Variants in GALNT17 observed in about 807,000 individuals in gnomAD.
The protein encoded by GALNT17 is polypeptide N-acetylgalactosaminyltransferase 17, also known as UDP-GalNAc:polypeptide N-acetylgalactosaminyltransferase-like 3.
Under a neutral mutation model 63.7 loss-of-function variants are expected in GALNT17, and 29 were observed. The ratio of observed to expected loss-of-function variants is 0.46; its 90% CI spans 0.34 to 0.62. The LOEUF is 0.62. GALNT17 is among the 20% of genes least tolerant of loss of function. The pLI, the probability that GALNT17 is intolerant of heterozygous loss-of-function variation, is 0.01. For missense variants in GALNT17, 603 were observed against 799.6 expected (o/e 0.75, Z 2.97); for synonymous variants, 305 against 318.3 (o/e 0.96, Z 0.45).
intron 5 of GALNT17, among the ~76,000 whole-genome samples, chr7:71,486,945 C>A (rs896304025): frequency 6.6e-6 from 1 of 152,148 alleles, no homozygotes; most frequent in African/African-American, 2.4e-5. Flanking sequence ...AAGTTCCTCC[C>A]TAAGTATTGA....
intron 1 of GALNT17, among the ~76,000 whole-genome samples, chr7:71,211,161 C>T (rs1017869990): frequency 6.6e-5 from 10 of 152,180 alleles, no homozygotes; most frequent in African/African-American, 2.4e-4. Flanking sequence ...ATCCAAATCT[C>T]AACTTGAATT....
chr7:71,403,804 T>C (rs1793281578), intron 3 of GALNT17, among the ~76,000 whole-genome samples: 1 of 152,120 alleles, frequency 6.6e-6, no homozygotes, highest in Admixed American at 6.5e-5. Context: ...GTAACCCTGT[T>C]CTCCCCAGGG....
intron 5 of GALNT17, among the ~76,000 whole-genome samples, chr7:71,561,222 G>A (rs930404108): frequency 6.6e-6 from 1 of 151,992 alleles, no homozygotes; most frequent in Non-Finnish European, 1.5e-5. Flanking sequence ...CATGTTGCCC[G>A]AGCTGGTCTT....
At chr7:71,138,907 G>A (rs994508982) in intron 1 of GALNT17, among the ~76,000 whole-genome samples, 46 of 152,250 alleles carry the variant, frequency 3.0e-4, no homozygotes, top group Admixed American at 1.3e-3. Context: ...CCTGGGAGGC[G>A]GAGGTTGCAG....
At chr7:71,314,115 G>A (rs1348796407) in intron 1 of GALNT17, among the ~76,000 whole-genome samples, 1 of 152,178 alleles carries the variant, frequency 6.6e-6, no homozygotes, top group Non-Finnish European at 1.5e-5. Context: ...ACAGTGAATT[G>A]TTCTGTCTTT....
intron 5 of GALNT17, among the ~76,000 whole-genome samples, chr7:71,544,297 AT>A (rs754061155): frequency 0.34 from 40,140 of 116,764 alleles, 5,818 homozygotes; most frequent in Middle Eastern, 0.39. Flanking sequence ...ACGCCCGGCT[AT>A]TTTTTTTTTT....
intron 1 of GALNT17, among the ~76,000 whole-genome samples, chr7:71,144,768 T>C (rs115152378): frequency 0.02 from 3,099 of 152,070 alleles, 102 homozygotes; most frequent in African/African-American, 0.069. Flanking sequence ...CTCTCTCTCT[T>C]TCACAGGCTG....
At chr7:71,680,798 T>C (rs571383383) in intron 9 of GALNT17, among the ~76,000 whole-genome samples, 1 of 147,932 alleles carries the variant, frequency 6.8e-6, no homozygotes, top group South Asian at 2.2e-4. Flanking sequence ...CCTTCCTTCC[T>C]TCCTTCCTTT....
intron 6 of GALNT17, among the ~76,000 whole-genome samples, chr7:71,576,469 C>T (rs1184583390): frequency 1.3e-5 from 2 of 151,824 alleles, no homozygotes; most frequent in Admixed American, 6.6e-5. Context: ...ACATTCCCAC[C>T]AGCAGTGTAC....
chr7:71,559,896 AC>A (rs770167645), intron 5 of GALNT17, among the ~76,000 whole-genome samples: 43 of 104,678 alleles, frequency 4.1e-4, no homozygotes, highest in African/African-American at 1.6e-3. Flanking sequence ...AACATTAAAA[AC>A]AAAAAAAAAA....
intron 6 of GALNT17, among the ~76,000 whole-genome samples, chr7:71,592,515 A>ATAAAATAAAG (rs1554313220): frequency 9.3e-5 from 8 of 85,838 alleles, no homozygotes; most frequent in African/African-American, 2.6e-4. Context: ...ATAAAATAAA[A>ATAAAATAAAG]TAAAATAAAA....
chr7:71,545,539 A>T (rs541115897), intron 5 of GALNT17, among the ~76,000 whole-genome samples: 1 of 152,180 alleles, frequency 6.6e-6, no homozygotes, highest in African/African-American at 2.4e-5. Context: ...TTTAGTAGAG[A>T]TGGGGTTTCA....
intron 8 of GALNT17, among the ~76,000 whole-genome samples, chr7:71,672,897 A>C (rs1791091599): frequency 6.6e-6 from 1 of 152,238 alleles, no homozygotes; most frequent in African/African-American, 2.4e-5. Context: ...ACAAAGTACA[A>C]GGTCAGTTAC....
At chr7:71,577,916 G>A (rs528496402) in intron 6 of GALNT17, among the ~76,000 whole-genome samples, 15 of 152,178 alleles carry the variant, frequency 9.9e-5, no homozygotes, top group Middle Eastern at 3.4e-3. Context: ...GGGGTGGTTC[G>A]CAGACTCAGG....
chr7:71,441,091 T>C (rs972602918), intron 5 of GALNT17, among the ~76,000 whole-genome samples: 3 of 151,830 alleles, frequency 2.0e-5, no homozygotes, highest in African/African-American at 7.3e-5. Flanking sequence ...GGCGCGATCT[T>C]GGCTCACTGC....
At chr7:71,261,956 C>G (rs4717587) in intron 1 of GALNT17, among the ~76,000 whole-genome samples, 31,873 of 152,042 alleles carry the variant, frequency 0.21, 4,283 homozygotes, top group Non-Finnish European at 0.28. Context: ...GGCCCTCTTC[C>G]CGGGAGCCGT....
At chr7:71,179,124 C>G (rs548582936) in intron 1 of GALNT17, among the ~76,000 whole-genome samples, 1 of 152,120 alleles carries the variant, frequency 6.6e-6, no homozygotes, top group African/African-American at 2.4e-5. Flanking sequence ...GAAAGGGAAA[C>G]GTCAAGCTGG....
chr7:71,426,194 G>T (rs1447621688), intron 5 of GALNT17, among the ~76,000 whole-genome samples: 1 of 152,144 alleles, frequency 6.6e-6, no homozygotes, highest in Non-Finnish European at 1.5e-5. Context: ...CACGTCAGTG[G>T]GGCTGGGGGA....
intron 9 of GALNT17, among the ~76,000 whole-genome samples, chr7:71,678,815 A>G (rs1385224270): frequency 1.3e-5 from 2 of 149,610 alleles, no homozygotes; most frequent in Non-Finnish European, 3.0e-5. Flanking sequence ...AAAATTAGCC[A>G]GGCATAGTGG....
Sources: gnomAD v4.1 joint callset for allele counts (sites outside exome capture counted in the v4.1 genomes callset) on GRCh38, gnomAD v4.1.1 for gene constraint, MANE v1.5 for transcripts, NCBI Gene and HGNC (gene_info 2026-07-23, HGNC 2026-07-21) for gene names.